The following PCDH15 variants were observed in gnomAD, a reference collection of about 807,000 sequenced individuals.
The protein encoded by PCDH15 is protocadherin related 15, also known as protocadherin-15.
A neutral mutation model predicts 178.5 loss-of-function variants in PCDH15; 129 were observed. The ratio of observed to expected loss-of-function variants is 0.72; its 90% CI spans 0.63 to 0.84. The LOEUF is 0.84. PCDH15 is among the 40% of genes least tolerant of loss of function. PCDH15 has a pLI of 0.00. For missense variants in PCDH15, 2,230 were observed against 2,099.9 expected (o/e 1.06, Z -1.21); for synonymous variants, 800 against 732.0 (o/e 1.09, Z -1.50).
chr10:54,532,432 T>C (rs926419594), intron 2 of PCDH15, among the ~76,000 whole-genome samples: 5 of 152,128 alleles, frequency 3.3e-5, no homozygotes, highest in Non-Finnish European at 1.5e-5. Context: ...TTTCCCAATA[T>C]ATACTCTCAT....
chr10:54,374,432 A>T (rs572552786), intron 4 of PCDH15, among the ~76,000 whole-genome samples: 1 of 152,216 alleles, frequency 6.6e-6, no homozygotes, highest in African/African-American at 2.4e-5. Context: ...TACCAGAGTC[A>T]TACTTTTCTT....
At chr10:54,763,427 C>G (rs1339876802) in intron 1 of PCDH15, among the ~76,000 whole-genome samples, 1 of 152,024 alleles carries the variant, frequency 6.6e-6, no homozygotes, top group Admixed American at 6.6e-5. Context: ...ACTGCATGTA[C>G]TTATATTGCT....
chr10:54,562,604 T>C (rs2088344736), intron 2 of PCDH15, among the ~76,000 whole-genome samples: 2 of 152,118 alleles, frequency 1.3e-5, no homozygotes, highest in African/African-American at 2.4e-5. Flanking sequence ...TTTCACAACA[T>C]ACTTATATAT....
rs924674216 is a variant in PCDH15 at position 54,421,714 on chromosome 10, T to C, written c.158-42772A>G. On this transcript the variant is annotated intron_variant, in intron 3 of 37. Transcript: ENST00000644397. ...TATATACACACACACACACACACTATATATATTTTTGTGTTATATATACAC... is the reference window on the plus strand; with the variant it reads ...TATATACACACACACACACACACTACATATATTTTTGTGTTATATATACAC... 2.3e-5 allele frequency among the ~76,000 whole-genome samples: 3 copies of C among 129,990 alleles called. No individual in the cohort carries two copies. In the Admixed American group the frequency reaches 2.4e-4, roughly 10 times the overall value. 85.3% of individuals were successfully genotyped at this position (129,990 alleles called of 152,430 possible).
intron 37 of PCDH15, among the ~76,000 whole-genome samples, chr10:53,810,031 T>G (rs1332563201): frequency 6.6e-6 from 1 of 152,196 alleles, no homozygotes; most frequent in Non-Finnish European, 1.5e-5. Context: ...GTTAGTGTTG[T>G]TTTTGTATAA....
chr10:54,047,193 A>T (rs2093673035), intron 18 of PCDH15, among the ~76,000 whole-genome samples: 2 of 152,148 alleles, frequency 1.3e-5, no homozygotes, highest in African/African-American at 4.8e-5. Flanking sequence ...TTTCAAATAC[A>T]TGACCAAATA....
intron 1 of PCDH15, among the ~76,000 whole-genome samples, chr10:54,668,204 A>C (rs557156543): frequency 6.6e-6 from 1 of 152,228 alleles, no homozygotes; most frequent in Admixed American, 6.6e-5. Context: ...CAGTGAACAA[A>C]GCTGACACAT....
At chr10:55,341,730 C>A (rs1844563027) in intron 2 of PCDH15, among the ~76,000 whole-genome samples, 1 of 139,068 alleles carries the variant, frequency 7.2e-6, no homozygotes, top group Admixed American at 7.4e-5. Context: ...CCACCACGCC[C>A]AGCTAATTTT....
At chr10:54,085,374 C>T (rs2094499029) in intron 16 of PCDH15, among the ~76,000 whole-genome samples, 1 of 152,084 alleles carries the variant, frequency 6.6e-6, no homozygotes, top group Non-Finnish European at 1.5e-5. Context: ...GCATCACAGA[C>T]CCCATGCTTC....
intron 2 of PCDH15, among the ~76,000 whole-genome samples, chr10:55,489,831 T>TA (rs1163811678): frequency 5.9e-5 from 9 of 151,638 alleles, no homozygotes; most frequent in African/African-American, 2.2e-4. Context: ...TAAACAATTT[T>TA]AAAAAACCAA....
In PCDH15 at chr10:55,572,533, A is replaced by G. The variant is rs531256267; in HGVS notation, c.-156+55092T>C. On this transcript the variant is annotated intron_variant, in intron 2 of 5. Coordinates refer to the PCDH15 transcript ENST00000613346. Reference sequence around the variant, plus strand: ...TGAAGAAATGCAATGATCAAAACACATACAATTATGCTATCTTGGAATTTA... The same window carrying G: ...TGAAGAAATGCAATGATCAAAACACGTACAATTATGCTATCTTGGAATTTA... Among the ~76,000 whole-genome samples, 6 of 152,112 alleles carry G rather than the reference A, an allele frequency of 3.9e-5. No individual in the cohort carries two copies. The South Asian group carries it at 1.2e-3, about 31-fold the overall frequency.
chr10:54,369,877 A>G (rs1272430125), intron 4 of PCDH15, among the ~76,000 whole-genome samples: 4 of 152,004 alleles, frequency 2.6e-5, no homozygotes, highest in African/African-American at 9.7e-5. Flanking sequence ...ATGTTTATAA[A>G]TATAGATTTA....
chr10:55,517,100 G>C (rs938875443), intron 2 of PCDH15, among the ~76,000 whole-genome samples: 1 of 151,780 alleles, frequency 6.6e-6, no homozygotes, highest in Admixed American at 6.6e-5. Context: ...AAAAGATAAA[G>C]AATATAAATA....
At chr10:55,464,022 AAAG>A (rs1839769222) in intron 2 of PCDH15, among the ~76,000 whole-genome samples, 1 of 128,054 alleles carries the variant, frequency 7.8e-6, no homozygotes, top group African/African-American at 2.8e-5. Flanking sequence ...AGAAAGAAAG[AAAG>A]AAAGAAAGAA....
chr10:53,994,773 A>G (rs1443040998), intron 21 of PCDH15: 1 of 152,132 alleles, frequency 6.6e-6, no homozygotes, highest in African/African-American at 2.4e-5. Flanking sequence ...AGTTTATAAG[A>G]CTTGTCCAAA....
chr10:54,559,044 C>CT lies in PCDH15; in HGVS notation c.92-31168dup, dbSNP rs2087694310. Among the ~76,000 whole-genome samples, 3 of 152,094 alleles carry CT rather than the reference C, an allele frequency of 2.0e-5. No individual in the cohort carries two copies. In the South Asian group the frequency reaches 6.2e-4, roughly 32 times the overall value. ...GCGCAGGTTCCTCATGAATTTGACT[C>CT]TAAGAAATTGTGAAATCTCGGGGAA... is the stretch of plus-strand genomic sequence containing the variant. On this transcript the variant is annotated intron_variant, in intron 2 of 37. Coordinates refer to ENST00000644397, the MANE Select transcript of PCDH15 (RefSeq NM_001384140.1).
At chr10:54,880,296 A>G (rs1474978831) in intron 3 of PCDH15, among the ~76,000 whole-genome samples, 5 of 152,102 alleles carry the variant, frequency 3.3e-5, no homozygotes, top group Non-Finnish European at 7.4e-5. Flanking sequence ...TGGCTCTAAC[A>G]TGATGATTCA....
At chr10:54,023,959 C>A (rs2093006522) in intron 18 of PCDH15, among the ~76,000 whole-genome samples, 1 of 151,980 alleles carries the variant, frequency 6.6e-6, no homozygotes, top group South Asian at 2.1e-4. Context: ...GAAACTAAAT[C>A]TGTTCCAAAA....
chr10:54,675,388 C>T (rs2094764813), intron 1 of PCDH15, among the ~76,000 whole-genome samples: 1 of 151,360 alleles, frequency 6.6e-6, no homozygotes, highest in African/African-American at 2.4e-5. Context: ...CCAACACACC[C>T]TGGCAAGATA....
Sources: allele counts gnomAD v4.1 joint callset (sites outside exome capture counted in the v4.1 genomes callset), GRCh38; gene constraint gnomAD v4.1.1; transcripts MANE v1.5; gene names NCBI Gene and HGNC (gene_info 2026-07-23, HGNC 2026-07-21).